Variants in NEURL1 observed in about 807,000 individuals in gnomAD.
The protein encoded by NEURL1 is E3 ubiquitin-protein ligase NEURL1.
NEURL1 carries 26 observed loss-of-function variants against 41.2 expected under a neutral mutation model. The ratio of observed to expected loss-of-function variants is 0.63; its 90% CI spans 0.46 to 0.87. The LOEUF (loss-of-function observed/expected upper bound fraction) is 0.87. NEURL1 is among the 40% of genes least tolerant of loss of function. The pLI, the probability that NEURL1 is intolerant of heterozygous loss-of-function variation, is 0.00. For missense variants in NEURL1, 761 were observed against 871.1 expected, an observed-to-expected ratio of 0.87 and a Z score of 1.59; for synonymous variants, 400 against 402.3, an observed-to-expected ratio of 0.99 and a Z score of 0.07.
At chr10:103,505,087 G>A (rs529820306) in intron 1 of NEURL1, among the ~76,000 whole-genome samples, 1 of 135,560 alleles carries the variant, frequency 7.4e-6, no homozygotes, top group South Asian at 2.3e-4. Context: ...GTCTTGCCTT[G>A]TTATCCAGGC....
intron 1 of NEURL1, among the ~76,000 whole-genome samples, chr10:103,501,359 G>A (rs935441881): frequency 6.6e-6 from 1 of 152,114 alleles, no homozygotes; most frequent in Admixed American, 6.6e-5. Context: ...TCAGCCTTCT[G>A]TCCTAGGCCA....
At chr10:103,501,371 G>A (rs933293352) in intron 1 of NEURL1, among the ~76,000 whole-genome samples, 17 of 152,040 alleles carry the variant, frequency 1.1e-4, no homozygotes, top group African/African-American at 3.6e-4. Flanking sequence ...CCTAGGCCAC[G>A]CTGAAAGGGC....
chr10:103,553,248 C>T (rs1173413439), intron 1 of NEURL1, among the ~76,000 whole-genome samples: 2 of 152,212 alleles, frequency 1.3e-5, no homozygotes, highest in Admixed American at 6.5e-5. Flanking sequence ...TTAAATGCGT[C>T]ACACGCTCAG....
At chr10:103,540,311 A>G (rs1255424571) in intron 1 of NEURL1, among the ~76,000 whole-genome samples, 6 of 151,798 alleles carry the variant, frequency 4.0e-5, no homozygotes, top group Non-Finnish European at 7.4e-5. Context: ...ATTTTTTGAG[A>G]TGGAGTCTTG....
chr10:103,570,479 T>A (rs1311548432), intron 1 of NEURL1, among the ~76,000 whole-genome samples: 1 of 151,954 alleles, frequency 6.6e-6, no homozygotes, highest in South Asian at 2.1e-4. Flanking sequence ...ATTTATTGAA[T>A]AAAATAAACA....
intron 1 of NEURL1, 129 bp from the exon 2 acceptor site, chr10:103,570,743 C>T (rs930176666): frequency 1.7e-5 from 25 of 1,447,412 alleles, no homozygotes; most frequent in Admixed American, 9.0e-5. Flanking sequence ...CAAGGGGTGG[C>T]GGCAGTGGTG....
At chr10:103,525,237 G>A (rs1286579176) in intron 1 of NEURL1, among the ~76,000 whole-genome samples, 3 of 151,064 alleles carry the variant, frequency 2.0e-5, no homozygotes, top group Non-Finnish European at 3.0e-5. Flanking sequence ...TTTGTTGTTG[G>A]TGTATAGAAA....
intron 3 of NEURL1, among the ~76,000 whole-genome samples, chr10:103,573,391 C>T (rs1036869179): frequency 3.9e-5 from 6 of 152,052 alleles, no homozygotes; most frequent in Non-Finnish European, 2.9e-5. Flanking sequence ...AGTTGTGGGG[C>T]CTCAGTTTCT....
rs1466211272 is a variant in NEURL1 at position 103,571,799 on chromosome 10, T to G, written c.626T>G (p.Leu209Arg). 2 of 1,608,698 alleles carry G rather than the reference T, an allele frequency of 1.2e-6. No homozygotes were observed. Among genetic ancestry groups the G allele is most frequent in the Non-Finnish European group, 1.7e-6 (2 of 1,177,178 alleles). Reference protein sequence around the residue: ...PLWALVDVYGLTRGVQLLDSE... With the variant: ...PLWALVDVYGRTRGVQLLDSE... ...TGGGCCCTGGTGGACGTCTACGGCC[T>G]CACGCGGGGCGTCCAGCTGCTTGGT... The change falls in exon 3 of 6, where the codon CTC becomes CGC. Residue 209 changes from leucine (L) to arginine (R), a missense_variant. Leu to Arg is a moderately radical substitution (Grantham distance 102). Around this residue, in one of 5 missense-constraint regions of NEURL1, gnomAD observed 114 missense variants for 144.8 expected, o/e 0.79. Transcript: ENST00000369780.
chr10:103,583,551 C>T (rs949742052), intron 3 of NEURL1, among the ~76,000 whole-genome samples: 13 of 151,240 alleles, frequency 8.6e-5, no homozygotes, highest in African/African-American at 2.7e-4. Flanking sequence ...ACCGTCTCTA[C>T]CCCAAAAATA....
At chr10:103,534,453 G>A (rs964620099) in intron 1 of NEURL1, among the ~76,000 whole-genome samples, 2 of 152,102 alleles carry the variant, frequency 1.3e-5, no homozygotes, top group Admixed American at 1.3e-4. Flanking sequence ...TGTGCCAGTT[G>A]GAAAGAGTGT....
At chr10:103,516,434 C>T (rs1373162889) in intron 1 of NEURL1, among the ~76,000 whole-genome samples, 2 of 150,724 alleles carry the variant, frequency 1.3e-5, no homozygotes, top group Admixed American at 6.6e-5. Context: ...GAGTTTTGGC[C>T]AGGGTGTGTC....
At chr10:103,553,717 A>G (rs2035083953) in intron 1 of NEURL1, among the ~76,000 whole-genome samples, 1 of 152,178 alleles carries the variant, frequency 6.6e-6, no homozygotes, top group Non-Finnish European at 1.5e-5. Context: ...TCTGAGTTCC[A>G]TCTGCTGTGG....
intron 1 of NEURL1, among the ~76,000 whole-genome samples, chr10:103,528,758 A>G (rs973345757): frequency 6.6e-6 from 1 of 152,196 alleles, no homozygotes; most frequent in Non-Finnish European, 1.5e-5. Flanking sequence ...ACTAAATGAT[A>G]AGTTTAGTTT....
In NEURL1 at chr10:103,533,529, C is replaced by T. The variant is rs9732549; in HGVS notation, c.86-37343C>T. 2.5e-3 allele frequency among the ~76,000 whole-genome samples: 379 copies of T among 150,462 alleles called. 2 individuals carry two copies. Among genetic ancestry groups the T allele is most frequent in the African/African-American group, 8.3e-3 (339 of 40,682 alleles). ...GGATTACAGGCATAAGCCACGATGC[C>T]GGACTAATTTTGTATTTTTTTTTTT... On this transcript the variant is annotated intron_variant, in intron 1 of 5. Transcript: ENST00000369780.
chr10:103,553,789 C>T (rs1175553381), intron 1 of NEURL1, among the ~76,000 whole-genome samples: 1 of 152,238 alleles, frequency 6.6e-6, no homozygotes, highest in African/African-American at 2.4e-5. Context: ...CTCCCACCTG[C>T]CCGCTGGCTT....
chr10:103,589,391 C>T (rs575286927), intron 4 of NEURL1, 123 bp from the exon 5 acceptor site: 94 of 1,103,158 alleles, frequency 8.5e-5, no homozygotes, highest in Middle Eastern at 2.1e-4. Context: ...TGCAAAATCC[C>T]GCTCTTGGCC....
intron 3 of NEURL1, among the ~76,000 whole-genome samples, chr10:103,582,261 G>A (rs1030663500): frequency 1.4e-4 from 22 of 152,134 alleles, no homozygotes; most frequent in African/African-American, 5.1e-4. Context: ...AGGGGTGAGG[G>A]AGCAGGGACT....
chr10:103,524,923 G>A (rs1233757149), intron 1 of NEURL1, among the ~76,000 whole-genome samples: 4 of 151,954 alleles, frequency 2.6e-5, no homozygotes, highest in Non-Finnish European at 5.9e-5. Flanking sequence ...CTATATGGGG[G>A]GTGGGGTCCA....
Sources: allele counts gnomAD v4.1 joint callset (sites outside exome capture counted in the v4.1 genomes callset), GRCh38; gene constraint gnomAD v4.1.1; regional missense constraint gnomAD v4.1.1; transcripts MANE v1.5; gene names NCBI Gene and HGNC (gene_info 2026-07-23, HGNC 2026-07-21).